Variants in ARHGAP22 observed in about 807,000 individuals in gnomAD.
ARHGAP22 encodes the protein rho GTPase-activating protein 22.
ARHGAP22 carries 48 observed loss-of-function variants against 59.1 expected under a neutral mutation model. The ratio of observed to expected loss-of-function variants is 0.81; its 90% CI spans 0.64 to 1.03. The LOEUF is 1.03. Ranked by LOEUF, ARHGAP22 falls within the 50% of genes least tolerant of loss-of-function variation. The pLI is 0.00. For missense variants in ARHGAP22, 1,015 were observed against 958.7 expected (o/e 1.06, Z -0.78); for synonymous variants, 445 against 416.4 (o/e 1.07, Z -0.84).
intron 1 of ARHGAP22, among the ~76,000 whole-genome samples, chr10:48,591,769 G>A (rs901341446): frequency 2.0e-4 from 30 of 152,162 alleles, no homozygotes; most frequent in African/African-American, 7.0e-4. Context: ...AGCTATTCAG[G>A]AGGCTGAGGT....
intron 2 of ARHGAP22, among the ~76,000 whole-genome samples, chr10:48,580,389 C>T (rs1286848757): frequency 6.6e-6 from 1 of 152,146 alleles, no homozygotes; most frequent in Non-Finnish European, 1.5e-5. Flanking sequence ...AGGGCCACTT[C>T]AAGGTTCACT....
intron 2 of ARHGAP22, among the ~76,000 whole-genome samples, chr10:48,564,319 GA>G (rs138213530): frequency 1.2e-3 from 187 of 152,282 alleles, no homozygotes; most frequent in African/African-American, 4.4e-3. Flanking sequence ...ATACCAGAAT[GA>G]GGTACATACA....
intron 3 of ARHGAP22, among the ~76,000 whole-genome samples, chr10:48,484,224 T>C (rs548529086): frequency 1.2e-4 from 18 of 152,382 alleles, no homozygotes; most frequent in African/African-American, 4.3e-4. Flanking sequence ...GGATGTTAGA[T>C]TTTGTCAAAT....
intron 3 of ARHGAP22, among the ~76,000 whole-genome samples, chr10:48,529,470 C>T (rs577452510): frequency 5.8e-4 from 88 of 152,184 alleles, no homozygotes; most frequent in Non-Finnish European, 9.3e-4. Flanking sequence ...TTTTCCCTGT[C>T]GTCAGGGAAA....
At chr10:48,606,095 G>T (rs1329660348), upstream of ARHGAP22, among the ~76,000 whole-genome samples, 1 of 152,122 alleles carries the variant, frequency 6.6e-6, no homozygotes, top group African/African-American at 2.4e-5. Context: ...TTGGGCCTGA[G>T]AACTGTGTGA....
upstream of ARHGAP22, among the ~76,000 whole-genome samples, chr10:48,652,813 G>C (rs1404984818): frequency 6.6e-6 from 1 of 152,202 alleles, no homozygotes; most frequent in Non-Finnish European, 1.5e-5. Flanking sequence ...CAGCAGTCCT[G>C]TTAGTGGGGA....
At chr10:48,436,465 C>G in the ARHGAP22 span, 5 of 152,142 alleles carry the variant, frequency 3.3e-5, no homozygotes, top group Non-Finnish European at 5.9e-5. Flanking sequence ...TAGACCCAGG[C>G]ACCTTTTAAA....
chr10:48,451,346 C>T (rs1236935066), intron 8 of ARHGAP22: 2 of 762,080 alleles, frequency 2.6e-6, no homozygotes, highest in Admixed American at 2.0e-5. Context: ...GCCGCAGAAC[C>T]GCCTTCCTCA....
At chr10:48,569,990 A>G (rs1228363394) in intron 2 of ARHGAP22, among the ~76,000 whole-genome samples, 1 of 152,228 alleles carries the variant, frequency 6.6e-6, no homozygotes. Flanking sequence ...AGGATGGTAT[A>G]AAACAAACCT....
chr10:48,577,998 G>T (rs918392036), intron 2 of ARHGAP22, among the ~76,000 whole-genome samples: 1 of 151,680 alleles, frequency 6.6e-6, no homozygotes, highest in South Asian at 2.1e-4. Flanking sequence ...TAGTAGAAAC[G>T]GGGTTTCACC....
chr10:48,648,422 C>A (rs2377596), intron 1 of ARHGAP22, among the ~76,000 whole-genome samples: 67,237 of 151,738 alleles, frequency 0.44, 15,627 homozygotes, highest in East Asian at 0.61. Context: ...TGATGTGTGT[C>A]CCTTCCCGGC....
At chr10:48,645,181 TC>T (rs1414618167) in intron 1 of ARHGAP22, among the ~76,000 whole-genome samples, 1 of 151,996 alleles carries the variant, frequency 6.6e-6, no homozygotes, top group Non-Finnish European at 1.5e-5. Flanking sequence ...TGCCCCCACC[TC>T]CCGCCACAGA....
At chr10:48,636,694 T>C (rs1002277608) in intron 1 of ARHGAP22, among the ~76,000 whole-genome samples, 7 of 152,160 alleles carry the variant, frequency 4.6e-5, no homozygotes, top group African/African-American at 9.7e-5. Context: ...TCAAGACCCA[T>C]GGCTATAGTC....
intron 1 of ARHGAP22, among the ~76,000 whole-genome samples, chr10:48,629,921 T>A (rs537569782): frequency 6.6e-6 from 1 of 152,356 alleles, no homozygotes; most frequent in South Asian, 2.1e-4. Context: ...CCTGTTTTGT[T>A]AATTTTATAA....
intron 3 of ARHGAP22, among the ~76,000 whole-genome samples, chr10:48,491,896 C>T (rs17770989): frequency 0.076 from 11,551 of 152,294 alleles, 577 homozygotes; most frequent in Middle Eastern, 0.17. Context: ...GGCTCCTATC[C>T]GAACCCCACT....
At chr10:48,469,448 A>G (rs760575622) in intron 4 of ARHGAP22, among the ~76,000 whole-genome samples, 8 of 152,190 alleles carry the variant, frequency 5.3e-5, no homozygotes, top group Non-Finnish European at 1.0e-4. Context: ...TTCACTCTGG[A>G]TGGTCTTTGT....
chr10:48,652,569 A>G (rs1037387297), exon 1 of ARHGAP22: 5 of 477,658 alleles, frequency 1.0e-5, no homozygotes, highest in African/African-American at 9.6e-5. Context: ...AATCTGTAAA[A>G]TGGGAACAAT....
chr10:48,613,492 A>G (rs1445030104), intron 1 of ARHGAP22, among the ~76,000 whole-genome samples: 1 of 152,218 alleles, frequency 6.6e-6, no homozygotes, highest in Non-Finnish European at 1.5e-5. Context: ...AACTTAAGCC[A>G]AACCCAAGTT....
At chr10:48,654,802 CTTTCTTTCT>C (rs2062702739), upstream of ARHGAP22, among the ~76,000 whole-genome samples, 1 of 141,350 alleles carries the variant, frequency 7.1e-6, no homozygotes, top group South Asian at 2.3e-4. Flanking sequence ...TTCTTTCTTT[CTTTCTTTCT>C]TTCTTTCTTT....
Sources: allele counts gnomAD v4.1 joint callset (sites outside exome capture counted in the v4.1 genomes callset), GRCh38; gene constraint gnomAD v4.1.1; transcripts MANE v1.5; gene names NCBI Gene and HGNC (gene_info 2026-07-23, HGNC 2026-07-21).